The following SCMH1 variants were observed in gnomAD, a reference collection of about 807,000 sequenced individuals.
SCMH1 encodes the protein polycomb protein SCMH1.
In SCMH1, 37 loss-of-function variants were observed where a neutral mutation model predicts 70.8. That is an observed-to-expected ratio of 0.52 (90% CI 0.40 to 0.69). The LOEUF (loss-of-function observed/expected upper bound fraction) is 0.69. Ranked by LOEUF, SCMH1 falls within the 30% of genes least tolerant of loss-of-function variation. The pLI is 0.00. For synonymous variants in SCMH1, 292 were observed against 307.4 expected (o/e 0.95, Z 0.52); for missense variants, 607 against 827.3 (o/e 0.73, Z 3.27).
intron 13 of SCMH1, among the ~76,000 whole-genome samples, chr1:41,034,438 C>T (rs1025000424): frequency 6.6e-6 from 1 of 152,058 alleles, no homozygotes; most frequent in Non-Finnish European, 1.5e-5. Context: ...CACCATTCTC[C>T]TGTCTCAGCC....
intron 10 of SCMH1, 148 bp from the exon 11 acceptor site, chr1:41,049,038 G>A: frequency 1.4e-6 from 1 of 734,784 alleles, no homozygotes. Flanking sequence ...GTGGGAGGTA[G>A]AGGGTGGAGG....
intron 1 of SCMH1, among the ~76,000 whole-genome samples, chr1:41,208,315 T>A (rs1158993682): frequency 8.0e-6 from 1 of 125,772 alleles, no homozygotes; most frequent in African/African-American, 3.1e-5. Flanking sequence ...TTGGGAGATA[T>A]ACCTAATGCT....
chr1:41,049,018 G>T, intron 10 of SCMH1, 128 bp from the exon 11 acceptor site: 1 of 839,360 alleles, frequency 1.2e-6, no homozygotes. Context: ...AGCTGAGCTG[G>T]TGAAATGCTG....
intron 8 of SCMH1, among the ~76,000 whole-genome samples, chr1:41,076,236 G>A (rs1658247616): frequency 6.6e-6 from 1 of 152,098 alleles, no homozygotes; most frequent in Non-Finnish European, 1.5e-5. Context: ...ACTGGATCCA[G>A]GGCCACCTCC....
intron 1 of SCMH1, among the ~76,000 whole-genome samples, chr1:41,217,983 A>G (rs1236156587): frequency 2.6e-5 from 4 of 152,138 alleles, no homozygotes; most frequent in African/African-American, 9.7e-5. Flanking sequence ...TTGGAAGCAA[A>G]TAGCAACTTG....
chr1:41,053,297 T>C (rs1014344557), intron 10 of SCMH1, among the ~76,000 whole-genome samples: 1 of 152,012 alleles, frequency 6.6e-6, no homozygotes, highest in Non-Finnish European at 1.5e-5. Flanking sequence ...AAAATCTACA[T>C]GGATTAAATG....
At chr1:41,225,851 A>C (rs540267222) in intron 1 of SCMH1, among the ~76,000 whole-genome samples, 1 of 152,336 alleles carries the variant, frequency 6.6e-6, no homozygotes, top group Admixed American at 6.5e-5. Flanking sequence ...CTAAAACACC[A>C]GGCAGACTAG....
chr1:41,238,938 A>C (rs1662935558), intron 1 of SCMH1, among the ~76,000 whole-genome samples: 1 of 152,134 alleles, frequency 6.6e-6, no homozygotes, highest in African/African-American at 2.4e-5. Context: ...TAGTCATCCA[A>C]GGCAAAAACC....
chr1:41,074,583 GCT>G (rs1331233157), intron 9 of SCMH1, among the ~76,000 whole-genome samples: 1 of 152,030 alleles, frequency 6.6e-6, no homozygotes, highest in Non-Finnish European at 1.5e-5. Flanking sequence ...GTTAATTTGT[GCT>G]TTCTGTCTAC....
At chr1:41,175,656 G>A (rs531255672) in intron 2 of SCMH1, among the ~76,000 whole-genome samples, 9 of 152,230 alleles carry the variant, frequency 5.9e-5, no homozygotes, top group East Asian at 5.8e-4. Flanking sequence ...AATTAAGGGT[G>A]CTTTACAAAG....
chr1:41,151,265 G>T (rs1645052084), intron 5 of SCMH1, among the ~76,000 whole-genome samples: 1 of 152,186 alleles, frequency 6.6e-6, no homozygotes, highest in East Asian at 1.9e-4. Context: ...TGAGTACAGA[G>T]AAAGAAATAC....
chr1:41,225,702 A>AT (rs1660137845), intron 1 of SCMH1, among the ~76,000 whole-genome samples: 2 of 152,230 alleles, frequency 1.3e-5, no homozygotes, highest in African/African-American at 4.8e-5. Flanking sequence ...AAAGTGGAAA[A>AT]GTAATAAGTA....
chr1:41,100,602 A>G (rs1166582987), intron 8 of SCMH1, among the ~76,000 whole-genome samples: 3 of 133,886 alleles, frequency 2.2e-5, no homozygotes, highest in African/African-American at 2.9e-5. Context: ...GTCTCACTCT[A>G]TTGCCCATGC....
At chr1:41,089,140 A>G (rs972705892) in intron 8 of SCMH1, among the ~76,000 whole-genome samples, 1 of 152,206 alleles carries the variant, frequency 6.6e-6, no homozygotes, top group Non-Finnish European at 1.5e-5. Context: ...GATCTCCTCT[A>G]GCCTCATGGC....
At chr1:41,214,582 A>G (rs1657704855) in intron 1 of SCMH1, among the ~76,000 whole-genome samples, 1 of 152,174 alleles carries the variant, frequency 6.6e-6, no homozygotes, top group African/African-American at 2.4e-5. Flanking sequence ...TGTGATCCTC[A>G]CAATAAATAT....
chr1:41,143,628 G>T (rs1644296417), intron 5 of SCMH1, among the ~76,000 whole-genome samples: 1 of 152,136 alleles, frequency 6.6e-6, no homozygotes, highest in Non-Finnish European at 1.5e-5. Flanking sequence ...CTTGACATAT[G>T]TATATACTCA....
rs149260282 is a variant in SCMH1, at chr1:41,035,312, T to C, written c.1678+2050A>G. Among the ~76,000 whole-genome samples the C allele has an allele frequency of 3.0e-3, 463 of 152,268 alleles. 1 individual carries two copies. The highest frequency in any genetic ancestry group is 0.01 in the African/African-American group (434 of 41,556). On this transcript the variant is annotated intron_variant, in intron 13 of 14. Coordinates refer to ENST00000337495, the Ensembl canonical transcript of SCMH1. Reference sequence around the variant, plus strand: ...TCCTCCCAGCTCTTGCTCTACTAGCTCAGCAAAAAAGCCCTTAATTCTCAA... The same window carrying C: ...TCCTCCCAGCTCTTGCTCTACTAGCCCAGCAAAAAAGCCCTTAATTCTCAA...
intron 8 of SCMH1, among the ~76,000 whole-genome samples, chr1:41,104,124 TCTA>T (rs1557451073): frequency 1.3e-5 from 2 of 152,216 alleles, no homozygotes; most frequent in Admixed American, 1.3e-4. Flanking sequence ...ACAGTGGGCA[TCTA>T]CTACGTGCTA....
At chr1:41,148,829 C>A (rs1027671026) in intron 5 of SCMH1, among the ~76,000 whole-genome samples, 2 of 152,072 alleles carry the variant, frequency 1.3e-5, no homozygotes. Flanking sequence ...CTCGCTCTGT[C>A]GCCCAGGCTG....
Sources: allele counts gnomAD v4.1 joint callset (sites outside exome capture counted in the v4.1 genomes callset), GRCh38; gene constraint gnomAD v4.1.1; transcripts MANE v1.5; gene names NCBI Gene and HGNC (gene_info 2026-07-23, HGNC 2026-07-21).